SEPTIN2: variants seen among roughly 807,000 people sequenced by gnomAD.
SEPTIN2 encodes septin-2.
In SEPTIN2, 34 loss-of-function variants were observed where a neutral mutation model predicts 46.5. That is an observed-to-expected ratio of 0.73 (90% CI 0.56 to 0.97). The LOEUF is 0.97. Ranked by LOEUF, SEPTIN2 falls within the 50% of genes least tolerant of loss-of-function variation. The pLI, the probability that SEPTIN2 is intolerant of heterozygous loss-of-function variation, is 0.00. For synonymous variants in SEPTIN2, 175 were observed against 153.4 expected (o/e 1.14, Z -1.04); for missense variants, 347 against 448.4 (o/e 0.77, Z 2.04).
intron 7 of SEPTIN2, among the ~76,000 whole-genome samples, chr2:241,339,493 T>C (rs2080961532): frequency 6.6e-6 from 1 of 152,208 alleles, no homozygotes. Flanking sequence ...AGTAATACTA[T>C]TCTGCCATTT....
In SEPTIN2 at chr2:241,315,964, T is replaced by A. The variant is rs914999836; in HGVS notation, c.-36T>A. 8 of 152,398 alleles carry A rather than the reference T, an allele frequency of 5.2e-5. No individual in the cohort carries two copies. The highest frequency in any genetic ancestry group is 1.9e-4 in the African/African-American group (8 of 41,542). The allele number at this position is 152,398 out of a possible 1,614,324, so 9.4% of individuals were successfully genotyped here. A position where few individuals can be genotyped will look rare whatever the true frequency, so the allele number is the denominator to read the frequency against. On this transcript the variant is annotated 5_prime_UTR_variant, in exon 1 of 13. Transcript: ENST00000391971. ...CCGCGGCGCGGTCGGTCGGCGCCTG[T>A]TCTCGGGCTGTTTGGCGGGTGAGTG...
At chr2:241,330,469 A>G (rs912975559) in intron 3 of SEPTIN2, among the ~76,000 whole-genome samples, 2 of 152,188 alleles carry the variant, frequency 1.3e-5, no homozygotes, top group African/African-American at 2.4e-5. Flanking sequence ...AGGGTTTTCT[A>G]AAGTTGGAAA....
intron 3 of SEPTIN2, among the ~76,000 whole-genome samples, chr2:241,328,143 T>G (rs2078308702): frequency 6.6e-6 from 1 of 151,278 alleles, no homozygotes; most frequent in Non-Finnish European, 1.5e-5. Flanking sequence ...TCATTAGGAA[T>G]AACATAACTG....
intron 10 of SEPTIN2, 151 bp from the exon 11 acceptor site, chr2:241,347,983 C>A (rs1559670175): frequency 5.5e-6 from 3 of 549,048 alleles, no homozygotes; most frequent in Admixed American, 5.3e-5. Context: ...CCACTACACT[C>A]CAGCCCGTGC....
chr2:241,336,094 G>C lies in SEPTIN2; in HGVS notation c.337G>C (p.Asp113His), dbSNP rs749076083. The part of the protein sequence containing the change: ...PGYGDAINCR[D>H]CFKTIISYID... ...CTATGGTGACGCTATCAACTGCAGAGATTGGTATGCTCCCCCATGCCCAGG... is the reference window on the plus strand; with the variant it reads ...CTATGGTGACGCTATCAACTGCAGACATTGGTATGCTCCCCCATGCCCAGG... Residue 113 changes from aspartate to histidine, a missense_variant, in exon 5 of 13, where the codon GAT becomes CAT. By Grantham distance (81) the Asp-to-His change is moderately conservative (BLOSUM62 -1). Coordinates refer to ENST00000391971, the MANE Select transcript of SEPTIN2 (RefSeq NM_004404.5). 1 of 1,613,934 alleles carries C rather than the reference G, an allele frequency of 6.2e-7. No homozygotes were observed. Among genetic ancestry groups the C allele is most frequent in the East Asian group, 2.2e-5 (1 of 44,874 alleles).
chr2:241,317,268 G>A (rs552677296), intron 1 of SEPTIN2, among the ~76,000 whole-genome samples: 1 of 152,204 alleles, frequency 6.6e-6, no homozygotes, highest in Admixed American at 6.5e-5. Context: ...TATAATCTTG[G>A]CATTGATCTC....
At chr2:241,341,675 G>A (rs2081276407) in intron 7 of SEPTIN2, among the ~76,000 whole-genome samples, 1 of 152,202 alleles carries the variant, frequency 6.6e-6, no homozygotes, top group African/African-American at 2.4e-5. Flanking sequence ...CTGAATTAGT[G>A]CAGACATTGT....
At chr2:241,315,564 C>T (rs1387995408), upstream of SEPTIN2, 1 of 152,598 alleles carries the variant, frequency 6.6e-6, no homozygotes, top group African/African-American at 2.4e-5. Context: ...CGAAGATTCT[C>T]ATTACCTGTT....
At chr2:241,346,364 T>G in intron 10 of SEPTIN2, 115 bp downstream of exon 10, 1 of 640,892 alleles carries the variant, frequency 1.6e-6, no homozygotes, top group East Asian at 3.0e-5. Flanking sequence ...TTTGGTTTCC[T>G]ACTCAAAAGT....
chr2:241,327,768 A>G (rs541520313), intron 3 of SEPTIN2, among the ~76,000 whole-genome samples: 3 of 152,276 alleles, frequency 2.0e-5, no homozygotes, highest in South Asian at 4.1e-4. Context: ...TAGCCAGATC[A>G]GGCCTGGTGT....
At chr2:241,343,220 C>T in intron 8 of SEPTIN2, 127 bp downstream of exon 8, 5 of 636,162 alleles carry the variant, frequency 7.9e-6, no homozygotes, top group Non-Finnish European at 1.1e-5. Flanking sequence ...ATTTTAAGAC[C>T]TCATGCAGTG....
intron 9 of SEPTIN2, among the ~76,000 whole-genome samples, chr2:241,345,121 A>T (rs548998621): frequency 8.7e-4 from 132 of 152,288 alleles, no homozygotes; most frequent in Non-Finnish European, 1.6e-3. Context: ...CTCAAAAAAA[A>T]AAACCAAAAA....
rs201454643 is a variant in SEPTIN2 at position 241,337,730 on chromosome 2, G to A, written c.534G>A (p.Val178=). The change falls in exon 7 of 13, where the codon GTG becomes GTA. Residue 178 remains valine, a synonymous_variant. Coordinates refer to ENST00000391971, the MANE Select transcript of SEPTIN2 (RefSeq NM_004404.5). ...CAATACACAACAAGGTGAATATTGT[G>A]CCTGTCATTGCAAAAGCTGACACTC... ...MKAIHNKVNI[V]PVIAKADTLT... 27 of 1,613,876 alleles carry A rather than the reference G, an allele frequency of 1.7e-5. No individual in the cohort carries two copies. The Admixed American group carries it at 3.2e-4, about 19-fold the overall frequency.
intron 9 of SEPTIN2, among the ~76,000 whole-genome samples, chr2:241,344,282 G>C (rs2081672678): frequency 6.6e-6 from 1 of 152,174 alleles, no homozygotes; most frequent in South Asian, 2.1e-4. Flanking sequence ...TCCAGGCTGA[G>C]CCACCCCTGG....
chr2:241,337,105 G>C, intron 5 of SEPTIN2: 1 of 280,884 alleles, frequency 3.6e-6, no homozygotes, highest in Non-Finnish European at 6.6e-6. Context: ...AAAAAAAAAA[G>C]AACGAATTGG....
intron 10 of SEPTIN2, 92 bp from the exon 11 acceptor site, chr2:241,348,042 T>G: frequency 2.3e-5 from 21 of 925,724 alleles, no homozygotes; most frequent in Non-Finnish European, 3.4e-5. Context: ...GATAAATACA[T>G]GTCATTTTAA....
At chr2:241,347,096 A>T (rs964278731) in intron 10 of SEPTIN2, among the ~76,000 whole-genome samples, 17 of 152,146 alleles carry the variant, frequency 1.1e-4, no homozygotes, top group South Asian at 4.1e-4. Flanking sequence ...CTCTATAAAA[A>T]TTTTTTTTAA....
chr2:241,315,866 A>C (rs1371560264), upstream of SEPTIN2: 1 of 151,166 alleles, frequency 6.6e-6, no homozygotes, highest in Non-Finnish European at 1.5e-5. Flanking sequence ...GCGGTGACGC[A>C]ATCCGCCTGC....
chr2:241,346,123 C>A, intron 9 of SEPTIN2, 43 bp from the exon 10 acceptor site: 2 of 1,433,244 alleles, frequency 1.4e-6, no homozygotes, highest in South Asian at 2.3e-5. Flanking sequence ...ATGAGAATGT[C>A]ATGTGCATGA....
Sources: allele counts gnomAD v4.1 joint callset (sites outside exome capture counted in the v4.1 genomes callset), GRCh38; gene constraint gnomAD v4.1.1; transcripts MANE v1.5; gene names NCBI Gene and HGNC (gene_info 2026-07-23, HGNC 2026-07-21).